DLG2: variants seen among roughly 807,000 people sequenced by gnomAD.
DLG2 encodes the protein discs large MAGUK scaffold protein 2.
DLG2 carries 45 observed loss-of-function variants against 132.5 expected under a neutral mutation model. That is an observed-to-expected ratio of 0.34 (90% CI 0.27 to 0.44). The LOEUF is 0.44. Among genes scored for constraint, DLG2 ranks in the 20% least tolerant of loss-of-function variants. DLG2 has a pLI of 1.00. For missense variants in DLG2, 1,045 were observed against 1,196.9 expected (o/e 0.87, Z 1.87); for synonymous variants, 424 against 419.6 (o/e 1.01, Z -0.13).
chr11:85,427,776 C>A (rs553355502), intron 3 of DLG2, among the ~76,000 whole-genome samples: 12 of 152,252 alleles, frequency 7.9e-5, no homozygotes, highest in Admixed American at 1.3e-4. Context: ...ACACATAACA[C>A]TATTAACTTT....
intron 18 of DLG2, among the ~76,000 whole-genome samples, chr11:83,662,323 C>T (rs1299402120): frequency 2.0e-5 from 3 of 152,256 alleles, no homozygotes; most frequent in Non-Finnish European, 4.4e-5. Flanking sequence ...GAAAATGGCT[C>T]TATCTGCAAA....
chr11:85,412,760 C>CACACACACACACATATATATATATAT (rs756868795), intron 3 of DLG2, among the ~76,000 whole-genome samples: 3 of 113,268 alleles, frequency 2.6e-5, no homozygotes. Context: ...CACACACACA[C>CACACACACACACATATATATATATAT]ATATATATAT....
chr11:84,592,670 C>T (rs936570741), intron 6 of DLG2, among the ~76,000 whole-genome samples: 1 of 151,928 alleles, frequency 6.6e-6, no homozygotes, highest in African/African-American at 2.4e-5. Context: ...TATGAACAGA[C>T]ACTTCTTGAA....
At chr11:83,839,248 C>G (rs555008081) in intron 16 of DLG2, among the ~76,000 whole-genome samples, 49 of 151,966 alleles carry the variant, frequency 3.2e-4, no homozygotes, top group African/African-American at 1.0e-3. Flanking sequence ...ATTTAAATGC[C>G]TTTTTTAAAA....
At chr11:84,758,858 A>G (rs2067230223) in intron 6 of DLG2, among the ~76,000 whole-genome samples, 1 of 152,106 alleles carries the variant, frequency 6.6e-6, no homozygotes, top group Non-Finnish European at 1.5e-5. Context: ...CAAGCAATTA[A>G]TTAATTTATT....
intron 6 of DLG2, among the ~76,000 whole-genome samples, chr11:84,614,791 G>A (rs115865704): frequency 0.022 from 3,314 of 152,190 alleles, 138 homozygotes; most frequent in African/African-American, 0.075. Flanking sequence ...CACAAGATGT[G>A]TCATGATTAC....
At chr11:83,867,693 G>T (rs1218012793) in intron 16 of DLG2, among the ~76,000 whole-genome samples, 1 of 152,144 alleles carries the variant, frequency 6.6e-6, no homozygotes, top group Non-Finnish European at 1.5e-5. Flanking sequence ...TCAATGGTTT[G>T]TTTATGTATT....
chr11:84,942,149 G>T (rs906643690), intron 6 of DLG2, among the ~76,000 whole-genome samples: 4 of 151,812 alleles, frequency 2.6e-5, no homozygotes, highest in African/African-American at 7.3e-5. Context: ...TTCTTAGTTG[G>T]TCTGGCTAGA....
At chr11:85,440,409 T>A (rs1441419195) in intron 3 of DLG2, among the ~76,000 whole-genome samples, 3 of 152,190 alleles carry the variant, frequency 2.0e-5, no homozygotes, top group Non-Finnish European at 4.4e-5. Flanking sequence ...TAATCATCAA[T>A]TATGTCACTA....
At chr11:85,530,197 C>T (rs1468887924) in intron 3 of DLG2, among the ~76,000 whole-genome samples, 1 of 151,884 alleles carries the variant, frequency 6.6e-6, no homozygotes, top group Non-Finnish European at 1.5e-5. Flanking sequence ...AGTTTCTCCA[C>T]ATTGGTCAAG....
intron 18 of DLG2, among the ~76,000 whole-genome samples, chr11:83,752,786 A>C (rs1312531206): frequency 6.6e-6 from 1 of 152,222 alleles, no homozygotes; most frequent in Non-Finnish European, 1.5e-5. Flanking sequence ...AATTAATGTC[A>C]CCTGGAATAT....
At chr11:84,318,424 G>A (rs2098381440) in intron 7 of DLG2, among the ~76,000 whole-genome samples, 1 of 152,120 alleles carries the variant, frequency 6.6e-6, no homozygotes, top group African/African-American at 2.4e-5. Flanking sequence ...ACCTAACAAA[G>A]ATTATATAAT....
intron 7 of DLG2, among the ~76,000 whole-genome samples, chr11:84,409,529 T>C (rs1042934498): frequency 2.6e-5 from 4 of 152,226 alleles, no homozygotes; most frequent in Non-Finnish European, 4.4e-5. Context: ...TTCAATACAA[T>C]ACTTTCTACA....
At chr11:84,372,890 T>G (rs1444670721) in intron 7 of DLG2, among the ~76,000 whole-genome samples, 1 of 152,118 alleles carries the variant, frequency 6.6e-6, no homozygotes, top group Admixed American at 6.5e-5. Flanking sequence ...CACTGAGACA[T>G]TCACATTAAT....
chr11:83,709,280 CATATATGTACATATATACATATACGT>C lies in DLG2; in HGVS notation c.1826-75981_1826-75956del, dbSNP rs1275313043. Among the ~76,000 whole-genome samples, 10 of 146,098 alleles carry C rather than the reference CATATATGTACATATATACATATACGT, an allele frequency of 6.8e-5. No homozygotes were observed. The Admixed American group carries it at 6.9e-4, about 10-fold the overall frequency. On this transcript the variant is annotated intron_variant, in intron 18 of 27. Coordinates refer to ENST00000376104, the MANE Select transcript of DLG2 (RefSeq NM_001142699.3). ...GTGTGTATATATGTATGTATATATACATATATGTACATATATACATATACGTATATATGTATAAAGTTATATATATT... is the reference window on the plus strand; with the variant it reads ...GTGTGTATATATGTATGTATATATACATATATGTATAAAGTTATATATATT...
intron 6 of DLG2, among the ~76,000 whole-genome samples, chr11:84,822,209 T>G (rs1168390355): frequency 3.3e-5 from 5 of 151,808 alleles, no homozygotes. Flanking sequence ...GGCAAAGTGT[T>G]TTCAATTATT....
intron 7 of DLG2, among the ~76,000 whole-genome samples, chr11:84,375,046 A>G (rs1300565419): frequency 6.6e-6 from 1 of 152,128 alleles, no homozygotes; most frequent in African/African-American, 2.4e-5. Context: ...TCAATACCCA[A>G]ATTTAAAGTT....
chr11:85,304,737 A>G (rs1002728992), intron 3 of DLG2, among the ~76,000 whole-genome samples: 6 of 152,206 alleles, frequency 3.9e-5, no homozygotes, highest in Admixed American at 6.5e-5. Context: ...ATACTTCTTG[A>G]TTAAACAGAA....
At chr11:84,634,619 C>T (rs2099637498) in intron 6 of DLG2, among the ~76,000 whole-genome samples, 1 of 152,252 alleles carries the variant, frequency 6.6e-6, no homozygotes, top group South Asian at 2.1e-4. Context: ...CCCAGAGTCT[C>T]TCTGAACCTA....
Sources: gnomAD v4.1 joint callset for allele counts (sites outside exome capture counted in the v4.1 genomes callset) on GRCh38, gnomAD v4.1.1 for gene constraint, MANE v1.5 for transcripts, NCBI Gene and HGNC (gene_info 2026-07-23, HGNC 2026-07-21) for gene names.